MRPS6: variants seen among roughly 807,000 people sequenced by gnomAD.
MRPS6 encodes mitochondrial ribosomal protein S6.
In MRPS6, 6 loss-of-function variants were observed where a neutral mutation model predicts 13.1. That is an observed-to-expected ratio of 0.46 (90% confidence interval 0.25 to 0.91). MRPS6 has a LOEUF of 0.91. Among genes scored for constraint, MRPS6 ranks in the 40% least tolerant of loss-of-function variants. The probability of loss-of-function intolerance (pLI) is 0.18; values close to 1 mark genes in which losing one functional copy is unlikely to be tolerated. For missense variants in MRPS6, 164 were observed against 155.6 expected (o/e 1.05, Z -0.29); for synonymous variants, 61 against 56.5 (o/e 1.08, Z -0.36).
At chr21:34,075,455 A>G (rs966522449) in intron 1 of MRPS6, among the ~76,000 whole-genome samples, 5 of 152,028 alleles carry the variant, frequency 3.3e-5, no homozygotes, top group African/African-American at 4.8e-5. Flanking sequence ...TGGAGCACCC[A>G]TTTTTCACTC....
intron 1 of MRPS6, chr21:34,098,835 C>A (rs1233196905): frequency 1.0e-6 from 1 of 999,780 alleles, no homozygotes; most frequent in Non-Finnish European, 1.2e-6. Flanking sequence ...CAACACTGTC[C>A]TTTGTCCTCC....
At chr21:34,101,928 G>T (rs1979255491) in intron 1 of MRPS6, 2 of 1,000,026 alleles carry the variant, frequency 2.0e-6, no homozygotes, top group African/African-American at 1.7e-5. Context: ...GATGGTGTCA[G>T]AGTGCAGAGA....
intron 1 of MRPS6, chr21:34,103,315 T>G: frequency 3.3e-6 from 3 of 911,356 alleles, no homozygotes. Flanking sequence ...GTGAAGGAAG[T>G]AAAAAAAAAA....
At chr21:34,086,628 C>T (rs926867016) in intron 1 of MRPS6, among the ~76,000 whole-genome samples, 5 of 151,902 alleles carry the variant, frequency 3.3e-5, no homozygotes, top group Non-Finnish European at 7.4e-5. Flanking sequence ...CCTTAGTGAT[C>T]CTCTCAAATG....
chr21:34,114,346 CTTAAA>C (rs1194322844), intron 1 of MRPS6, among the ~76,000 whole-genome samples: 11 of 152,094 alleles, frequency 7.2e-5, no homozygotes, highest in Non-Finnish European at 1.5e-4. Context: ...TTTTATGTTC[CTTAAA>C]TTAGTGTTGG....
At chr21:34,102,285 T>C in intron 1 of MRPS6, 1 of 999,576 alleles carries the variant, frequency 1.0e-6, no homozygotes. Flanking sequence ...ATAAATGTTT[T>C]TATTTAAACT....
intron 2 of MRPS6, among the ~76,000 whole-genome samples, chr21:34,130,008 C>G (rs16991267): frequency 0.033 from 4,955 of 152,272 alleles, 226 homozygotes; most frequent in African/African-American, 0.096. Flanking sequence ...CTGAATGCAA[C>G]AAGGTTTAAC....
At chr21:34,135,634 G>A in intron 2 of MRPS6, 1 of 379,704 alleles carries the variant, frequency 2.6e-6, no homozygotes, top group South Asian at 2.2e-5. Flanking sequence ...CACGTCCACA[G>A]CCTGTCATCT....
At chr21:34,112,893 C>T (rs541125472) in intron 1 of MRPS6, among the ~76,000 whole-genome samples, 15 of 152,194 alleles carry the variant, frequency 9.9e-5, no homozygotes, top group African/African-American at 3.6e-4. Context: ...TGCGGTGGCT[C>T]ATTCCTATAA....
At chr21:34,130,001 A>C (rs1396191059) in intron 2 of MRPS6, among the ~76,000 whole-genome samples, 1 of 152,226 alleles carries the variant, frequency 6.6e-6, no homozygotes, top group Non-Finnish European at 1.5e-5. Flanking sequence ...GTGAAGCCTG[A>C]ATGCAACAAG....
At chr21:34,105,796 T>C (rs1373396398) in intron 1 of MRPS6, 1 of 996,160 alleles carries the variant, frequency 1.0e-6, no homozygotes, top group Non-Finnish European at 1.2e-6. Context: ...GTACAGTGTT[T>C]TAGTTGCAAG....
intron 1 of MRPS6, among the ~76,000 whole-genome samples, chr21:34,075,769 A>G (rs1234405169): frequency 1.3e-5 from 2 of 152,242 alleles, no homozygotes; most frequent in Non-Finnish European, 2.9e-5. Context: ...GCACAAACAC[A>G]AAGACTTCCA....
Position 34,096,035 on chromosome 21 carries a change from C to T in MRPS6, c.45+22290C>T, listed in dbSNP as rs373565154. The T allele has an allele frequency of 5.4e-5, 87 of 1,613,986 alleles. No individual in the cohort carries two copies. The highest frequency in any genetic ancestry group is 3.3e-4 in the Middle Eastern group (2 of 6,082). ...CTTCAGTATGGTACTGGTGTGCTGA[C>T]CAAGTCATCGTGCAGAGGGTCCTTG... On this transcript the variant is annotated intron_variant, in intron 1 of 2. Coordinates refer to ENST00000399312, the MANE Select transcript of MRPS6 (RefSeq NM_032476.4). The surrounding 1 kb of genome is among the most constrained non-coding windows in gnomAD (Gnocchi z 5.9).
At chr21:34,076,543 C>T (rs1478370738) in intron 1 of MRPS6, among the ~76,000 whole-genome samples, 2 of 152,196 alleles carry the variant, frequency 1.3e-5, no homozygotes, top group Non-Finnish European at 2.9e-5. Context: ...TACTTTTGTA[C>T]TTCCAAGTTT....
At chr21:34,126,343 G>A (rs143229811) in intron 2 of MRPS6, among the ~76,000 whole-genome samples, 284 of 152,318 alleles carry the variant, frequency 1.9e-3, no homozygotes, top group Non-Finnish European at 2.8e-3. Context: ...GCTGTCTTGT[G>A]CAGGTACAGT....
At chr21:34,109,336 G>A (rs758641910) in intron 1 of MRPS6, among the ~76,000 whole-genome samples, 1 of 152,106 alleles carries the variant, frequency 6.6e-6, no homozygotes, top group Non-Finnish European at 1.5e-5. Flanking sequence ...GGCCTGCAAC[G>A]GCCTGGCTGT....
chr21:34,102,908 A>C, intron 1 of MRPS6: 1 of 999,742 alleles, frequency 1.0e-6, no homozygotes, highest in Non-Finnish European at 1.2e-6. Flanking sequence ...ACAAGTTGGC[A>C]GTAGGTATCC....
At chr21:34,094,456 G>A (rs1378385779) in intron 1 of MRPS6, among the ~76,000 whole-genome samples, 2 of 152,114 alleles carry the variant, frequency 1.3e-5, no homozygotes, top group Admixed American at 6.5e-5. Context: ...AGGATTCATA[G>A]TATTTTAAGA....
rs1602932189 is a variant in MRPS6 at position 34,097,871 on chromosome 21, C to T, written c.45+24126C>T. 3 of 996,248 alleles carry T rather than the reference C, an allele frequency of 3.0e-6. No homozygotes were observed. The Admixed American group carries it at 1.8e-4, about 61-fold the overall frequency. 61.7% of individuals were successfully genotyped at this position (996,248 alleles called of 1,614,324 possible). The stretch of plus-strand genomic sequence containing the variant: ...ACTTGTTTCAGGACAAGTTCATTTG[C>T]CAGGTTCATTTTGTTAGCATGAGCC... On this transcript the variant is annotated intron_variant, in intron 1 of 2. Transcript: ENST00000399312.
Sources: allele counts gnomAD v4.1 joint callset (sites outside exome capture counted in the v4.1 genomes callset), GRCh38; gene constraint gnomAD v4.1.1; non-coding constraint Gnocchi (gnomAD v3.1); transcripts MANE v1.5; gene names NCBI Gene and HGNC (gene_info 2026-07-23, HGNC 2026-07-21).